Variants in NRG3 observed in about 807,000 individuals in gnomAD.
NRG3 encodes pro-neuregulin-3, membrane-bound isoform.
In NRG3, 31 loss-of-function variants were observed where a neutral mutation model predicts 66.9. That is an observed-to-expected ratio of 0.46 (90% CI 0.35 to 0.63). The LOEUF is 0.63. NRG3 is among the 20% of genes least tolerant of loss of function. The pLI is 0.00. For missense variants in NRG3, 910 were observed against 878.9 expected (o/e 1.04, Z -0.45); for synonymous variants, 393 against 359.4 (o/e 1.09, Z -1.06).
In NRG3 at chr10:82,241,068, G is replaced by A. The variant is rs182730572; in HGVS notation, c.824-117671G>A. The stretch of plus-strand genomic sequence containing the variant: ...GTTTTTGGGAGAAAATAAGAAACCT[G>A]CTGATTCTCTGAGCTAGAATAATTT... On this transcript the variant is annotated intron_variant, in intron 1 of 8. Transcript: ENST00000372141. 1.2e-3 allele frequency among the ~76,000 whole-genome samples: 187 copies of A among 152,202 alleles called. 1 individual carries two copies. Among genetic ancestry groups the A allele is most frequent in the Non-Finnish European group, 1.3e-3 (90 of 67,988 alleles).
At chr10:82,222,216 C>T (rs1002995109) in intron 1 of NRG3, among the ~76,000 whole-genome samples, 8 of 151,428 alleles carry the variant, frequency 5.3e-5, no homozygotes, top group Non-Finnish European at 1.2e-4. Context: ...AAGTTTTTGC[C>T]CTAAACTTCA....
At chr10:81,970,125 T>C (rs1287833581) in intron 1 of NRG3, among the ~76,000 whole-genome samples, 1 of 152,226 alleles carries the variant, frequency 6.6e-6, no homozygotes, top group Non-Finnish European at 1.5e-5. Context: ...TGGAAGATAC[T>C]TTAAAAGTAA....
intron 2 of NRG3, among the ~76,000 whole-genome samples, chr10:82,559,462 A>C (rs1000836457): frequency 3.9e-5 from 6 of 152,228 alleles, no homozygotes; most frequent in Non-Finnish European, 8.8e-5. Flanking sequence ...TACAACTTGA[A>C]GGAATGGGCC....
At chr10:82,359,006 A>C (rs1054191678) in intron 2 of NRG3, 138 bp downstream of exon 2, 9 of 1,248,790 alleles carry the variant, frequency 7.2e-6, no homozygotes, top group East Asian at 2.5e-5. Context: ...TGCGAGTCTT[A>C]ATTTGGAAAG....
At chr10:82,802,832 G>C (rs971783127) in intron 3 of NRG3, among the ~76,000 whole-genome samples, 2 of 151,724 alleles carry the variant, frequency 1.3e-5, no homozygotes, top group African/African-American at 4.8e-5. Context: ...TTCGGTTTTT[G>C]ATTATTTTTG....
chr10:82,736,138 C>A (rs188679560), intron 2 of NRG3, among the ~76,000 whole-genome samples: 11 of 152,232 alleles, frequency 7.2e-5, no homozygotes, highest in Admixed American at 5.9e-4. Flanking sequence ...AATACACACT[C>A]AACTCTCCCC....
chr10:82,403,073 A>G (rs1048580866), intron 2 of NRG3, among the ~76,000 whole-genome samples: 14 of 152,204 alleles, frequency 9.2e-5, no homozygotes, highest in South Asian at 4.1e-4. Context: ...GTACAACCAC[A>G]GAAAAGACGT....
intron 1 of NRG3, among the ~76,000 whole-genome samples, chr10:82,158,287 AC>A (rs915512399): frequency 1.3e-4 from 19 of 151,918 alleles, no homozygotes; most frequent in Non-Finnish European, 2.5e-4. Context: ...TTTCAGTTAA[AC>A]AAGTGAATAT....
At chr10:82,459,908 G>C (rs146087677) in intron 2 of NRG3, among the ~76,000 whole-genome samples, 1 of 152,316 alleles carries the variant, frequency 6.6e-6, no homozygotes, top group East Asian at 1.9e-4. Flanking sequence ...CTGGTTGTCA[G>C]GAGTATGATA....
intron 2 of NRG3, among the ~76,000 whole-genome samples, chr10:82,586,317 A>G (rs565771714): frequency 6.6e-6 from 1 of 152,186 alleles, no homozygotes; most frequent in Non-Finnish European, 1.5e-5. Flanking sequence ...TCCTTGGGAG[A>G]AGACAAGGAG....
chr10:82,250,175 T>C (rs2077418028), intron 1 of NRG3, among the ~76,000 whole-genome samples: 1 of 152,188 alleles, frequency 6.6e-6, no homozygotes, highest in South Asian at 2.1e-4. Context: ...TTGAAACAAG[T>C]ATTCACTGAA....
rs74383280 is a variant in NRG3, at chr10:82,462,692, A to T, written c.953+103824A>T. 2.7e-3 allele frequency among the ~76,000 whole-genome samples: 414 copies of T among 152,152 alleles called. 2 individuals are homozygous for T. Among genetic ancestry groups the T allele is most frequent in the Non-Finnish European group, 4.5e-3 (305 of 68,002 alleles). ...AGGGGAAGTCTGCCTTGATCCCAAG[A>T]TTGGGGGTGATTAGGGGGCTATGTG... On this transcript the variant is annotated intron_variant, in intron 2 of 8. Coordinates refer to ENST00000372141, the MANE Select transcript of NRG3 (RefSeq NM_001010848.4).
chr10:82,324,481 T>G (rs1327077487), intron 1 of NRG3, among the ~76,000 whole-genome samples: 1 of 152,130 alleles, frequency 6.6e-6, no homozygotes, highest in Non-Finnish European at 1.5e-5. Flanking sequence ...TGATTTTCCT[T>G]GTTTTTCTTT....
At chr10:82,253,432 A>G (rs566604727) in intron 1 of NRG3, among the ~76,000 whole-genome samples, 1 of 152,198 alleles carries the variant, frequency 6.6e-6, no homozygotes, top group African/African-American at 2.4e-5. Flanking sequence ...TATGACATAC[A>G]TTCAGGTCAT....
intron 2 of NRG3, among the ~76,000 whole-genome samples, chr10:82,681,698 T>G (rs545881711): frequency 6.6e-6 from 1 of 152,332 alleles, no homozygotes; most frequent in Non-Finnish European, 1.5e-5. Context: ...AATGGTATGT[T>G]CAGAAGTGAA....
rs76441113 is a variant in NRG3, at chr10:82,187,339, A to C, written c.824-171400A>C. 8.3e-4 allele frequency among the ~76,000 whole-genome samples: 127 copies of C among 152,324 alleles called. 1 individual carries two copies. The East Asian group carries it at 0.022, about 27-fold the overall frequency. On this transcript the variant is annotated intron_variant, in intron 1 of 8. Transcript: ENST00000372141. ...TTAATTCGCTTCTTATATGCCATTAAGGCATCGTTGCCTCTGGATATTTAT... is the reference window on the plus strand; with the variant it reads ...TTAATTCGCTTCTTATATGCCATTACGGCATCGTTGCCTCTGGATATTTAT...
At chr10:82,190,905 A>C (rs1056232142) in intron 1 of NRG3, among the ~76,000 whole-genome samples, 2 of 152,106 alleles carry the variant, frequency 1.3e-5, no homozygotes, top group Non-Finnish European at 2.9e-5. Flanking sequence ...CATTACCCAC[A>C]GATATAACTC....
chr10:82,034,179 G>C (rs1276618881), intron 1 of NRG3, among the ~76,000 whole-genome samples: 1 of 152,086 alleles, frequency 6.6e-6, no homozygotes, highest in South Asian at 2.1e-4. Flanking sequence ...TCTCTAATCT[G>C]TTAGTACATT....
chr10:82,161,141 A>T (rs2071563401), intron 1 of NRG3, among the ~76,000 whole-genome samples: 1 of 152,074 alleles, frequency 6.6e-6, no homozygotes, highest in African/African-American at 2.4e-5. Context: ...AAAGATTATT[A>T]TCAAGAATTC....
Sources: allele counts gnomAD v4.1 joint callset (sites outside exome capture counted in the v4.1 genomes callset), GRCh38; gene constraint gnomAD v4.1.1; transcripts MANE v1.5; gene names NCBI Gene and HGNC (gene_info 2026-07-23, HGNC 2026-07-21).